The following ANXA13 variants were observed in gnomAD, a reference collection of about 807,000 sequenced individuals.
ANXA13 encodes annexin XIII.
In ANXA13, 36 loss-of-function variants were observed where a neutral mutation model predicts 46.6. The ratio of observed to expected loss-of-function variants is 0.77; its 90% CI spans 0.59 to 1.02. The LOEUF is 1.02. Among genes scored for constraint, ANXA13 ranks in the 50% least tolerant of loss-of-function variants. The pLI is 0.00. For synonymous variants in ANXA13, 163 were observed against 152.9 expected, an observed-to-expected ratio of 1.07 and a Z score of -0.49; for missense variants, 417 against 396.5, an observed-to-expected ratio of 1.05 and a Z score of -0.44.
intron 2 of ANXA13, among the ~76,000 whole-genome samples, chr8:123,707,622 A>G (rs919665367): frequency 6.6e-6 from 1 of 152,098 alleles, no homozygotes; most frequent in Non-Finnish European, 1.5e-5. Context: ...GCATGTTCTC[A>G]CTCATAAGTG....
chr8:123,693,616 G>C (rs1813280227), intron 7 of ANXA13, 95 bp downstream of exon 7: 3 of 1,090,724 alleles, frequency 2.8e-6, no homozygotes, highest in South Asian at 2.8e-5. Context: ...TATTTCCCAA[G>C]TAACTCCTCT....
rs1004288589 is a variant in ANXA13 at position 123,690,924 on chromosome 8, G to A, written c.643-1978C>T. ...CAAAGGGTGAGGCACGCAGTGAGGT[G>A]GCAGCAAAGTGGGCTATGGGTATGC... On this transcript the variant is annotated intron_variant, in intron 8 of 10. Transcript: ENST00000419625. The surrounding 1 kb of genome is among the most constrained non-coding windows in gnomAD (Gnocchi z 4.6). Among the ~76,000 whole-genome samples, 1 of 152,216 alleles carries A rather than the reference G, an allele frequency of 6.6e-6. No homozygotes were observed. The highest frequency in any genetic ancestry group is 2.4e-5 in the African/African-American group (1 of 41,462).
intron 9 of ANXA13, 110 bp from the exon 10 acceptor site, chr8:123,684,832 A>T: frequency 1.3e-6 from 1 of 752,714 alleles, no homozygotes; most frequent in Non-Finnish European, 2.3e-6. Context: ...GGATGGTGAG[A>T]CAGAGGTGTG....
At position 123,734,790 on chromosome 8, in the gene ANXA13, A is replaced by T. The variant is rs1814219460; in HGVS notation, c.15+2530T>A. 2.7e-5 allele frequency among the ~76,000 whole-genome samples: 4 copies of T among 149,264 alleles called. No individual in the cohort carries two copies. In the South Asian group the frequency reaches 8.7e-4, roughly 32 times the overall value. On this transcript the variant is annotated intron_variant, in intron 1 of 10. Coordinates refer to ENST00000419625, the MANE Select transcript of ANXA13 (RefSeq NM_004306.4). ...TAATATAAAGCATCCTAGATCATCA[A>T]GATGACCAAGTCCTGGCTCATGATT... is the stretch of plus-strand genomic sequence containing the variant.
intron 4 of ANXA13, among the ~76,000 whole-genome samples, chr8:123,697,081 T>C (rs975262064): frequency 2.0e-5 from 3 of 152,170 alleles, no homozygotes; most frequent in African/African-American, 7.2e-5. Context: ...GGCTAATTTT[T>C]GTATTTTTAG....
intron 2 of ANXA13, among the ~76,000 whole-genome samples, chr8:123,706,245 TA>T (rs902253364): frequency 1.2e-4 from 19 of 152,008 alleles, no homozygotes; most frequent in Admixed American, 7.2e-4. Context: ...TTATGATTTT[TA>T]AAAAAAAACT....
At chr8:123,717,262 G>C (rs547140248) in intron 1 of ANXA13, among the ~76,000 whole-genome samples, 3 of 152,200 alleles carry the variant, frequency 2.0e-5, no homozygotes, top group Non-Finnish European at 4.4e-5. Flanking sequence ...GTGTTGCAAG[G>C]CTTGAGGTTT....
chr8:123,724,349 G>T (rs930106704), intron 1 of ANXA13, among the ~76,000 whole-genome samples: 1 of 152,158 alleles, frequency 6.6e-6, no homozygotes, highest in Non-Finnish European at 1.5e-5. Context: ...AACCCGGATT[G>T]CACTCAAAAT....
chr8:123,735,404 G>T (rs145341345), intron 1 of ANXA13, among the ~76,000 whole-genome samples: 1 of 152,096 alleles, frequency 6.6e-6, no homozygotes, highest in Non-Finnish European at 1.5e-5. Context: ...AAAAGATTTT[G>T]TATTTACTTT....
intron 1 of ANXA13, chr8:123,729,383 C>T (rs1461732518): frequency 6.6e-6 from 1 of 152,160 alleles, no homozygotes; most frequent in Non-Finnish European, 1.5e-5. Context: ...TTTGTTCAGC[C>T]TCAGGGATGA....
At chr8:123,688,126 A>G (rs1403233275) in intron 9 of ANXA13, among the ~76,000 whole-genome samples, 1 of 152,070 alleles carries the variant, frequency 6.6e-6, no homozygotes, top group Non-Finnish European at 1.5e-5. Flanking sequence ...CCCCACCCAA[A>G]TCTCATCTTG....
chr8:123,712,497 A>G (rs754245548), intron 2 of ANXA13, 181 bp downstream of exon 2: 16 of 601,474 alleles, frequency 2.7e-5, no homozygotes, highest in Non-Finnish European at 4.5e-5. Context: ...CTGAAAAGTA[A>G]TAGGATCCTA....
At chr8:123,695,758 A>G in intron 4 of ANXA13, 37 bp from the exon 5 acceptor site, 1 of 1,559,942 alleles carries the variant, frequency 6.4e-7, no homozygotes. Context: ...CAATATTCCA[A>G]GGAGGGATTA....
At chr8:123,683,325 T>TA (rs1813073327) in intron 10 of ANXA13, among the ~76,000 whole-genome samples, 1 of 151,938 alleles carries the variant, frequency 6.6e-6, no homozygotes, top group African/African-American at 2.4e-5. Flanking sequence ...AAGTTATATT[T>TA]AAAAACAGTG....
At chr8:123,695,856 A>G in intron 4 of ANXA13, 135 bp from the exon 5 acceptor site, 3 of 739,208 alleles carry the variant, frequency 4.1e-6, no homozygotes, top group South Asian at 1.7e-5. Flanking sequence ...GGTCATCCCT[A>G]TAGGTCCAGG....
intron 9 of ANXA13, among the ~76,000 whole-genome samples, chr8:123,685,971 G>A (rs564391049): frequency 6.6e-6 from 1 of 152,246 alleles, no homozygotes; most frequent in East Asian, 1.9e-4. Flanking sequence ...GCTTGATGTG[G>A]GGATCATTGT....
At chr8:123,702,818 A>G (rs1813469009) in intron 2 of ANXA13, 82 bp from the exon 3 acceptor site, 4 of 1,267,448 alleles carry the variant, frequency 3.2e-6, no homozygotes, top group Non-Finnish European at 1.2e-6. Flanking sequence ...TGAGGAAGCC[A>G]GGACTCACAG....
chr8:123,695,672 A>G lies in ANXA13; in HGVS notation c.391+16T>C, dbSNP rs779006482. On this transcript the variant is annotated intron_variant, in intron 5 of 10. Transcript: ENST00000419625. ...GAAACATACTTTATCCAAAGCCAGA[A>G]TGAAAAGTCACTTACGCCTTTGGTA... 1 of 1,613,518 alleles carries G rather than the reference A, an allele frequency of 6.2e-7. No individual in the cohort carries two copies. The highest frequency in any genetic ancestry group is 2.2e-5 in the East Asian group (1 of 44,886).
At chr8:123,706,093 T>G (rs16898757) in intron 2 of ANXA13, among the ~76,000 whole-genome samples, 11,657 of 152,266 alleles carry the variant, frequency 0.077, 834 homozygotes, top group African/African-American at 0.19. Flanking sequence ...TCTAGGAGGA[T>G]CTCACTTGCA....
Sources: allele counts gnomAD v4.1 joint callset (sites outside exome capture counted in the v4.1 genomes callset), GRCh38; gene constraint gnomAD v4.1.1; non-coding constraint Gnocchi (gnomAD v3.1); transcripts MANE v1.5; gene names NCBI Gene and HGNC (gene_info 2026-07-23, HGNC 2026-07-21).